The following WDR37 variants were observed in gnomAD, a reference collection of about 807,000 sequenced individuals.
WDR37 encodes WD repeat domain 37, also known as WD repeat-containing protein 37.
WDR37 carries 19 observed loss-of-function variants against 62.9 expected under a neutral mutation model. The ratio of observed to expected loss-of-function variants is 0.30; its 90% confidence interval spans 0.21 to 0.44. The LOEUF (loss-of-function observed/expected upper bound fraction) is 0.44. Ranked by LOEUF, WDR37 falls within the 20% of genes least tolerant of loss-of-function variation. WDR37 has a pLI of 1.00. For missense variants in WDR37, 474 were observed against 657.6 expected, an observed-to-expected ratio of 0.72 and a Z score of 3.05; for synonymous variants, 250 against 260.9, an observed-to-expected ratio of 0.96 and a Z score of 0.40.
chr10:1,058,828 C>T (rs1833281910), intron 1 of WDR37, among the ~76,000 whole-genome samples: 1 of 152,202 alleles, frequency 6.6e-6, no homozygotes, highest in African/African-American at 2.4e-5. Context: ...TAAAATGTTA[C>T]TACAAACTTG....
At position 1,129,268 on chromosome 10, in the gene WDR37, A is replaced by G; in HGVS notation, c.1409A>G (p.Asn470Ser). ...SAWSEDHPVC[N>S]LFTCGFDRQA... ...TGGAGTGAAGACCACCCCGTGTGCA[A>G]TCTGTTCACCTGTGGGTTTGACCGG... is the stretch of plus-strand genomic sequence containing the variant. The change falls in exon 14 of 14, where the codon AAT becomes AGT. Residue 470 changes from asparagine to serine, a missense_variant. Coordinates refer to ENST00000263150, the MANE Select transcript of WDR37 (RefSeq NM_014023.4). 6.2e-7 allele frequency: 1 copy of G among 1,614,122 alleles called. No individual in the cohort carries two copies. The highest frequency in any genetic ancestry group is 8.5e-7 in the Non-Finnish European group (1 of 1,180,018).
chr10:1,096,173 CTGGAGATCAGACT>C lies in WDR37; in HGVS notation c.654_666del (p.Gly219LeufsTer27). The stretch of plus-strand genomic sequence containing the variant: ...TTTCCCCGATTTCTCTCTTCAGCTT[CTGGAGATCAGACT>C]GCTCATATCTGGAGATACGCGGTGC... On this transcript the variant is annotated frameshift_variant, in exon 9 of 14. Transcript: ENST00000263150. LOFTEE classifies it high-confidence loss of function. 6.2e-7 allele frequency: 1 copy of C among 1,614,122 alleles called. No homozygotes were observed. The highest frequency in any genetic ancestry group is 8.5e-7 in the Non-Finnish European group (1 of 1,180,020).
intron 11 of WDR37, among the ~76,000 whole-genome samples, chr10:1,119,370 G>A (rs1381818324): frequency 6.6e-6 from 1 of 152,214 alleles, no homozygotes; most frequent in African/African-American, 2.4e-5. Flanking sequence ...TGTTCTCACT[G>A]TGCCCCCATA....
rs58548853 is a variant in WDR37 at position 1,131,683 on chromosome 10, GGT to G, written c.*2367_*2368del. 0.24 allele frequency: 32,135 copies of G among 133,630 alleles called. 3,392 individuals carry two copies. Among genetic ancestry groups the G allele is most frequent in the South Asian group, 0.34 (1,239 of 3,692 alleles). 8.3% of individuals were successfully genotyped at this position (133,630 alleles called of 1,614,324 possible). ...AGGAGTCACAGACAAGATCGGGGAT[GGT>G]GTGTGTGTGTGTGTGTGTGTGTGTG... On this transcript the variant is annotated 3_prime_UTR_variant, in exon 14 of 14. Coordinates refer to ENST00000263150, the MANE Select transcript of WDR37 (RefSeq NM_014023.4).
chr10:1,061,530 C>T lies in WDR37; in HGVS notation c.-41+4562C>T, dbSNP rs568083134. Among the ~76,000 whole-genome samples the T allele has an allele frequency of 5.9e-5, 9 of 152,288 alleles. No individual in the cohort carries two copies. In the East Asian group the frequency reaches 1.7e-3, roughly 29 times the overall value. On this transcript the variant is annotated intron_variant, in intron 1 of 13. Transcript: ENST00000263150. ...CGCAACATAGTTTATTCAGGATCCC[C>T]TAGGGCAAAATAAAATTACCTTCAG...
At chr10:1,066,322 T>G (rs933676072) in intron 1 of WDR37, among the ~76,000 whole-genome samples, 5 of 152,202 alleles carry the variant, frequency 3.3e-5, no homozygotes, top group African/African-American at 1.2e-4. Flanking sequence ...TTCACCGTGT[T>G]AGCTAGGATG....
chr10:1,126,443 C>T (rs979773674), intron 13 of WDR37, among the ~76,000 whole-genome samples: 20 of 151,944 alleles, frequency 1.3e-4, no homozygotes, highest in Non-Finnish European at 1.9e-4. Context: ...GTCGAGGCAG[C>T]GTCTGCCCAG....
chr10:1,074,878 TTGCCGAGAAC>T (rs1190559039), intron 2 of WDR37, among the ~76,000 whole-genome samples: 7 of 152,394 alleles, frequency 4.6e-5, no homozygotes, highest in Middle Eastern at 3.4e-3. Flanking sequence ...AGGTCTGTCG[TTGCCGAGAAC>T]TGCGACGTCC....
At chr10:1,085,966 A>G (rs1834187588) in intron 6 of WDR37, among the ~76,000 whole-genome samples, 1 of 152,238 alleles carries the variant, frequency 6.6e-6, no homozygotes, top group Non-Finnish European at 1.5e-5. Flanking sequence ...TAATACTTTA[A>G]TAAAATAATG....
Position 1,105,710 on chromosome 10 carries a change from A to G in WDR37, c.1103+443A>G, listed in dbSNP as rs1029468009. On this transcript the variant is annotated intron_variant, in intron 11 of 13. Coordinates refer to ENST00000263150, the MANE Select transcript of WDR37 (RefSeq NM_014023.4). This position sits in a 1 kb window ranked among gnomAD's most constrained non-coding sequence, Gnocchi z 5.3. ...ATATTCTGGGAGAAGGTATACACATAGACGCGCAAACACAGACATAGACCC... is the reference window on the plus strand; with the variant it reads ...ATATTCTGGGAGAAGGTATACACATGGACGCGCAAACACAGACATAGACCC... Among the ~76,000 whole-genome samples, 4 of 152,150 alleles carry G rather than the reference A, an allele frequency of 2.6e-5. No homozygotes were observed. The highest frequency in any genetic ancestry group is 9.7e-5 in the African/African-American group (4 of 41,438).
At chr10:1,074,926 G>C (rs1050101826) in intron 2 of WDR37, among the ~76,000 whole-genome samples, 2 of 152,390 alleles carry the variant, frequency 1.3e-5, no homozygotes, top group Non-Finnish European at 2.9e-5. Flanking sequence ...GCTGCGGCCT[G>C]AAGAGCTGGC....
rs186199484 is a variant in WDR37 at position 1,061,587 on chromosome 10, C to T, written c.-41+4619C>T. On this transcript the variant is annotated intron_variant, in intron 1 of 13. Transcript: ENST00000263150. Reference sequence around the variant, plus strand: ...TGCTGTGGTGGCTCAGGCCAGTAATCCCAGCATTTTGGGAGGCCGAGCTGG... The same window carrying T: ...TGCTGTGGTGGCTCAGGCCAGTAATTCCAGCATTTTGGGAGGCCGAGCTGG... Among the ~76,000 whole-genome samples the T allele has an allele frequency of 3.5e-3, 536 of 152,256 alleles. 2 individuals carry two copies. Among genetic ancestry groups the T allele is most frequent in the Admixed American group, 8.1e-3 (124 of 15,290 alleles).
At chr10:1,091,740 C>G (rs1445057397) in intron 7 of WDR37, among the ~76,000 whole-genome samples, 1 of 152,200 alleles carries the variant, frequency 6.6e-6, no homozygotes, top group Non-Finnish European at 1.5e-5. Flanking sequence ...CAGACTAGGT[C>G]AGGCCTGTGG....
chr10:1,099,994 T>C (rs1045151472), intron 9 of WDR37, among the ~76,000 whole-genome samples: 20 of 152,052 alleles, frequency 1.3e-4, no homozygotes, highest in African/African-American at 3.9e-4. Context: ...AGGGTGAGCA[T>C]TGATGCTCAG....
chr10:1,080,237 C>T, intron 4 of WDR37, 131 bp downstream of exon 4: 1 of 1,267,072 alleles, frequency 7.9e-7, no homozygotes, highest in Non-Finnish European at 1.1e-6. Context: ...AGGTGTGGGT[C>T]TAGGAGAATA....
chr10:1,100,661 C>T (rs752503908), intron 9 of WDR37, among the ~76,000 whole-genome samples: 10 of 152,246 alleles, frequency 6.6e-5, no homozygotes, highest in Non-Finnish European at 1.3e-4. Flanking sequence ...CTTAGACCAA[C>T]AGAATGACTG....
chr10:1,127,760 G>T (rs74449061), intron 13 of WDR37, among the ~76,000 whole-genome samples: 1 of 151,932 alleles, frequency 6.6e-6, no homozygotes, highest in Non-Finnish European at 1.5e-5. Flanking sequence ...GTGGAGGCCC[G>T]TGGGGCCCCG....
chr10:1,098,326 G>A (rs1450000735), intron 9 of WDR37, among the ~76,000 whole-genome samples: 1 of 120,298 alleles, frequency 8.3e-6, no homozygotes, highest in Non-Finnish European at 1.7e-5. Flanking sequence ...CCATCTGTCC[G>A]TTTTTTTTTT....
chr10:1,103,892 A>T lies in WDR37; in HGVS notation c.961+56A>T, dbSNP rs560626411. 1 of 1,558,082 alleles carries T rather than the reference A, an allele frequency of 6.4e-7. No homozygotes were observed. The highest frequency in any genetic ancestry group is 1.4e-5 in the African/African-American group (1 of 73,778). On this transcript the variant is annotated intron_variant, in intron 10 of 13. Coordinates refer to ENST00000263150, the MANE Select transcript of WDR37 (RefSeq NM_014023.4). The surrounding 1 kb of genome is among the most constrained non-coding windows in gnomAD (Gnocchi z 6.3). Reference sequence around the variant, plus strand: ...TGGCTGTGCATGTTAGTTTATGTCCATGGGTTATGTCTGACCTTGCCACTT... The same window carrying T: ...TGGCTGTGCATGTTAGTTTATGTCCTTGGGTTATGTCTGACCTTGCCACTT...
Sources: allele counts gnomAD v4.1 joint callset (sites outside exome capture counted in the v4.1 genomes callset), GRCh38; gene constraint gnomAD v4.1.1; non-coding constraint Gnocchi (gnomAD v3.1); transcripts MANE v1.5; gene names NCBI Gene and HGNC (gene_info 2026-07-23, HGNC 2026-07-21).